Variants in AHSG observed in about 807,000 individuals in gnomAD.
The protein encoded by AHSG is alpha 2-HS glycoprotein, also known as alpha-2-HS-glycoprotein.
AHSG carries 23 observed loss-of-function variants against 30.1 expected under a neutral mutation model. The observed-to-expected ratio is 0.76, with a 90% CI of 0.55 to 1.08. The LOEUF (loss-of-function observed/expected upper bound fraction) is 1.08, where lower values mean the gene tolerates loss of function less well. Ranked by LOEUF, AHSG falls within the 50% of genes least tolerant of loss-of-function variation. AHSG has a pLI of 0.00. For synonymous variants in AHSG, 164 were observed against 186.3 expected (o/e 0.88, Z 0.98); for missense variants, 469 against 459.5 (o/e 1.02, Z -0.19).
At chr3:186,617,722 T>TG (rs1716354016) in intron 4 of AHSG, 5 of 350,668 alleles carry the variant, frequency 1.4e-5, no homozygotes, top group Admixed American at 4.1e-5. Context: ...ACCACCCATC[T>TG]CCGCTGAACA....
In AHSG at chr3:186,618,522, T is replaced by G. The variant is rs761078394; in HGVS notation, c.574-14T>G. ...TCATCTTTCCTCAAGAGCATTTTCATGTACTCTTCTCAGCCCCTCCCACCT... is the reference window on the plus strand; with the variant it reads ...TCATCTTTCCTCAAGAGCATTTTCAGGTACTCTTCTCAGCCCCTCCCACCT... On this transcript the variant is annotated splice_polypyrimidine_tract_variant and intron_variant, in intron 4 of 6. Coordinates refer to ENST00000411641, the MANE Select transcript of AHSG (RefSeq NM_001622.4). 3.1e-6 allele frequency: 5 copies of G among 1,611,528 alleles called. No individual in the cohort carries two copies. The highest frequency in any genetic ancestry group is 4.2e-6 in the Non-Finnish European group (5 of 1,177,984).
At chr3:186,615,018 T>G (rs545780404) in intron 1 of AHSG, among the ~76,000 whole-genome samples, 71 of 152,290 alleles carry the variant, frequency 4.7e-4, no homozygotes, top group African/African-American at 1.6e-3. Flanking sequence ...GAGGGAGACA[T>G]GCCCTTCCCC....
chr3:186,621,098 A>G lies in AHSG; in HGVS notation c.*168A>G, dbSNP rs1560012133. On this transcript the variant is annotated 3_prime_UTR_variant, in exon 7 of 7. Coordinates refer to ENST00000411641, the MANE Select transcript of AHSG (RefSeq NM_001622.4). Reference sequence around the variant, plus strand: ...TACTTCCCGTCATTCCTCACAGGACAGAAGCAGAGTGGGTGGTGGTTATGT... The same window carrying G: ...TACTTCCCGTCATTCCTCACAGGACGGAAGCAGAGTGGGTGGTGGTTATGT... 3.0e-6 allele frequency: 2 copies of G among 664,356 alleles called. No individual in the cohort carries two copies. Among genetic ancestry groups the G allele is most frequent in the Non-Finnish European group, 2.5e-6 (1 of 396,776 alleles). The allele number at this position is 664,356 out of a possible 1,614,324, so 41.2% of individuals were successfully genotyped here.
chr3:186,618,732 A>G lies in AHSG; in HGVS notation c.675+95A>G, dbSNP rs185947916. 20 of 1,513,504 alleles carry G rather than the reference A, an allele frequency of 1.3e-5. No individual in the cohort carries two copies. In the African/African-American group the frequency reaches 2.1e-4, roughly 16 times the overall value. 93.8% of individuals were successfully genotyped at this position (1,513,504 alleles called of 1,614,324 possible). On this transcript the variant is annotated intron_variant, in intron 5 of 6. Transcript: ENST00000411641. Reference sequence around the variant, plus strand: ...TAGTTTGTATCTTGGGGCTGCAGACAGAGAATAACAGTGCAAATCCCCTCT... The same window carrying G: ...TAGTTTGTATCTTGGGGCTGCAGACGGAGAATAACAGTGCAAATCCCCTCT...
In AHSG at chr3:186,620,865, G is replaced by T. The variant is rs185963395; in HGVS notation, c.1039G>T (p.Val347Phe). Residue 347 changes from valine to phenylalanine, a missense_variant, in exon 7 of 7, where the codon GTT becomes TTT. Coordinates refer to ENST00000411641, the MANE Select transcript of AHSG (RefSeq NM_001622.4). ...RKTRTVVQPS[V>F]GAAAGPVVPP... ...AACACGCACAGTGGTGCAGCCTAGT[G>T]TTGGTGCTGCTGCTGGGCCAGTGGT... 3.7e-5 allele frequency: 60 copies of T among 1,614,188 alleles called. No individual in the cohort carries two copies. In the African/African-American group the frequency reaches 7.1e-4, roughly 19 times the overall value.
intron 3 of AHSG, 46 bp from the exon 4 acceptor site, chr3:186,617,141 C>A: frequency 1.3e-6 from 2 of 1,576,946 alleles, no homozygotes; most frequent in Non-Finnish European, 1.7e-6. Context: ...TGGGGCCATG[C>A]CAGGGAGAAT....
intron 5 of AHSG, 65 bp from the exon 6 acceptor site, chr3:186,619,792 C>T: frequency 7.4e-7 from 1 of 1,346,542 alleles, no homozygotes; most frequent in South Asian, 1.3e-5. Context: ...GTTGGCGCGT[C>T]AATGAAATTG....
At chr3:186,614,515 CT>C (rs1409683342) in intron 1 of AHSG, among the ~76,000 whole-genome samples, 4 of 152,196 alleles carry the variant, frequency 2.6e-5, no homozygotes, top group Non-Finnish European at 4.4e-5. Flanking sequence ...ATCAGGATTG[CT>C]CCGGATGGAT....
chr3:186,620,038 T>C (rs2518136), intron 6 of AHSG, 98 bp downstream of exon 6: 406,736 of 829,960 alleles, frequency 0.49, 101,903 homozygotes, highest in Middle Eastern at 0.59. Flanking sequence ...TTTGCTCTCC[T>C]GTGCTTCTGA....
intron 5 of AHSG, 81 bp from the exon 6 acceptor site, chr3:186,619,776 T>C: frequency 8.6e-7 from 1 of 1,162,298 alleles, no homozygotes. Context: ...TTCAAACTAA[T>C]TTAAGGTTGG....
rs1463200646 is a variant in AHSG at position 186,617,308 on chromosome 3, C to G, written c.531C>G (p.Gly177=). The part of the protein sequence containing the change: ...ALAAFNAQNN[G]SNFQLEEISR... ...CCGCCTTCAACGCTCAGAACAACGG[C>G]TCCAATTTTCAGCTGGAGGAAATTT... is the stretch of plus-strand genomic sequence containing the variant. The change falls in exon 4 of 7, where the codon GGC becomes GGG. Residue 177 remains glycine (G), a synonymous_variant. Coordinates refer to ENST00000411641, the MANE Select transcript of AHSG (RefSeq NM_001622.4). 9 of 1,614,232 alleles carry G rather than the reference C, an allele frequency of 5.6e-6. No individual in the cohort carries two copies. The highest frequency in any genetic ancestry group is 4.5e-5 in the East Asian group (2 of 44,894).
chr3:186,621,032 G>C lies in AHSG; in HGVS notation c.*102G>C. 2.7e-6 allele frequency: 3 copies of C among 1,112,476 alleles called. No individual in the cohort carries two copies. The highest frequency in any genetic ancestry group is 4.3e-4 in the Middle Eastern group (2 of 4,694). 68.9% of individuals were successfully genotyped at this position (1,112,476 alleles called of 1,614,324 possible). A position where few individuals can be genotyped will look rare whatever the true frequency, so the allele number is the denominator to read the frequency against. ...GGGGCCTTGTCTGCTGGCCACGCAAGTGTCACATGCGATCTACATTAATAT... is the reference window on the plus strand; with the variant it reads ...GGGGCCTTGTCTGCTGGCCACGCAACTGTCACATGCGATCTACATTAATAT... On this transcript the variant is annotated 3_prime_UTR_variant, in exon 7 of 7. Coordinates refer to ENST00000411641, the MANE Select transcript of AHSG (RefSeq NM_001622.4).
At chr3:186,614,867 AG>A (rs1716248759) in intron 1 of AHSG, among the ~76,000 whole-genome samples, 1 of 152,198 alleles carries the variant, frequency 6.6e-6, no homozygotes, top group Non-Finnish European at 1.5e-5. Flanking sequence ...CTGGGCTGAG[AG>A]GAGAAAAGGC....
At chr3:186,620,041 G>A in intron 6 of AHSG, 101 bp downstream of exon 6, 2 of 786,452 alleles carry the variant, frequency 2.5e-6, no homozygotes, top group Non-Finnish European at 4.0e-6. Context: ...GCTCTCCTGT[G>A]CTTCTGAATC....
Position 186,620,849 on chromosome 3 carries a change from A to G in AHSG, c.1023A>G (p.Thr341=). Residue 341 remains threonine (T), a synonymous_variant, in exon 7 of 7, where the codon ACA becomes ACG. Coordinates refer to ENST00000411641, the MANE Select transcript of AHSG (RefSeq NM_001622.4). ...GEVSHPRKTR[T]VVQPSVGAAA... is the part of the protein sequence containing the mutation. ...TGTCGCACCCCCGGAAAACACGCAC[A>G]GTGGTGCAGCCTAGTGTTGGTGCTG... is the stretch of plus-strand genomic sequence containing the variant. The G allele has an allele frequency of 6.2e-7, 1 of 1,614,196 alleles. No homozygotes were observed. The highest frequency in any genetic ancestry group is 8.5e-7 in the Non-Finnish European group (1 of 1,180,048).
At position 186,619,952 on chromosome 3, in the gene AHSG, G is replaced by A. The variant is rs371986917; in HGVS notation, c.759+12G>A. ...TGTTCCAAACACAGGTAACAGCTCCGTGAATATTCTTGCCTACACCTTCAG... is the reference window on the plus strand; with the variant it reads ...TGTTCCAAACACAGGTAACAGCTCCATGAATATTCTTGCCTACACCTTCAG... On this transcript the variant is annotated intron_variant, in intron 6 of 6. Coordinates refer to ENST00000411641, the MANE Select transcript of AHSG (RefSeq NM_001622.4). 3.3e-5 allele frequency: 53 copies of A among 1,600,358 alleles called. No homozygotes were observed. The highest frequency in any genetic ancestry group is 1.2e-4 in the African/African-American group (9 of 74,056).
chr3:186,619,514 A>G (rs956149408), intron 5 of AHSG, among the ~76,000 whole-genome samples: 21 of 152,212 alleles, frequency 1.4e-4, no homozygotes, highest in Admixed American at 1.1e-3. Context: ...AGAAAATGCT[A>G]TTATGGCAAG....
Position 186,621,201 on chromosome 3 carries a change from TG to T in AHSG, c.*272del. 1 of 443,362 alleles carries T rather than the reference TG, an allele frequency of 2.3e-6. No individual in the cohort carries two copies. The highest frequency in any genetic ancestry group is 3.3e-5 in the South Asian group (1 of 30,514). The allele number at this position is 443,362 out of a possible 1,614,324, so 27.5% of individuals were successfully genotyped here. On this transcript the variant is annotated 3_prime_UTR_variant, in exon 7 of 7. Coordinates refer to ENST00000411641, the MANE Select transcript of AHSG (RefSeq NM_001622.4). ...CATGATTGTGTTCTCTGCCTCTGGT[TG>T]ACCTTACAAAAACCATTGGAACTGT...
Position 186,618,553 on chromosome 3 carries a change from C to T in AHSG, c.591C>T (p.Thr197=), listed in dbSNP as rs142831165. 6.2e-7 allele frequency: 1 copy of T among 1,613,790 alleles called. No homozygotes were observed. Among genetic ancestry groups the T allele is most frequent in the African/African-American group, 1.3e-5 (1 of 74,922 alleles). ...RAQLVPLPPS[T]YVEFTVSGTD... is the part of the protein sequence containing the mutation. ...CTTCTCAGCCCCTCCCACCTTCTAC[C>T]TATGTGGAGTTTACAGTGTCTGGCA... The change falls in exon 5 of 7, where the codon ACC becomes ACT. Residue 197 remains threonine, a synonymous_variant. Coordinates refer to ENST00000411641, the MANE Select transcript of AHSG (RefSeq NM_001622.4).
Sources: allele counts gnomAD v4.1 joint callset (sites outside exome capture counted in the v4.1 genomes callset), GRCh38; gene constraint gnomAD v4.1.1; transcripts MANE v1.5; gene names NCBI Gene and HGNC (gene_info 2026-07-23, HGNC 2026-07-21).